The following MPRIP variants were observed in gnomAD, a reference collection of about 807,000 sequenced individuals.
MPRIP encodes myosin phosphatase Rho-interacting protein.
Under a neutral mutation model 234.9 loss-of-function variants are expected in MPRIP, and 59 were observed. The observed-to-expected ratio is 0.25, with a 90% CI of 0.20 to 0.31. The LOEUF (loss-of-function observed/expected upper bound fraction) is 0.31, where lower values mean the gene tolerates loss of function less well. Ranked by LOEUF, MPRIP falls within the 10% of genes least tolerant of loss-of-function variation. The pLI is 1.00. For missense variants in MPRIP, 2,436 were observed against 3,071.0 expected (o/e 0.79, Z 4.89); for synonymous variants, 1,144 against 1,263.9 (o/e 0.91, Z 2.01).
chr17:17,115,899 C>T (rs904512917), intron 3 of MPRIP, among the ~76,000 whole-genome samples: 14 of 152,192 alleles, frequency 9.2e-5, no homozygotes, highest in African/African-American at 3.1e-4. Flanking sequence ...CATCTCTTTC[C>T]AGACAGCTTC....
At chr17:17,100,992 A>C (rs2089949706) in intron 3 of MPRIP, among the ~76,000 whole-genome samples, 1 of 152,156 alleles carries the variant, frequency 6.6e-6, no homozygotes, top group African/African-American at 2.4e-5. Flanking sequence ...GAATAAGAAC[A>C]GTTTTTTAGG....
rs141299714 is a variant in MPRIP at position 17,085,696 on chromosome 17, G to A, written c.267+7620G>A. ...TGGGAGGCCGAGGCGAGCAGATCACGAGGTCAGGAGATCGAGACCATCTAG... is the reference window on the plus strand; with the variant it reads ...TGGGAGGCCGAGGCGAGCAGATCACAAGGTCAGGAGATCGAGACCATCTAG... On this transcript the variant is annotated intron_variant, in intron 3 of 23. Coordinates refer to ENST00000651222, the MANE Select transcript of MPRIP (RefSeq NM_001364716.4). Among the ~76,000 whole-genome samples, 572 of 152,336 alleles carry A rather than the reference G, an allele frequency of 3.8e-3. 3 individuals are homozygous for A. The highest frequency in any genetic ancestry group is 6.3e-3 in the Non-Finnish European group (430 of 68,040).
chr17:17,133,763 C>CA (rs1260121455), intron 5 of MPRIP, among the ~76,000 whole-genome samples: 1 of 152,180 alleles, frequency 6.6e-6, no homozygotes, highest in African/African-American at 2.4e-5. Context: ...GCGGGAGTCT[C>CA]AATAGAGTCT....
chr17:17,067,790 C>CT (rs35187618), intron 1 of MPRIP, among the ~76,000 whole-genome samples: 35,916 of 76,784 alleles, frequency 0.47, 9,723 homozygotes, highest in Non-Finnish European at 0.6. Flanking sequence ...CTTCTTCTTC[C>CT]TTTTTTTTTT....
intron 3 of MPRIP, among the ~76,000 whole-genome samples, chr17:17,101,743 T>C (rs77024360): frequency 0.045 from 6,814 of 152,318 alleles, 477 homozygotes; most frequent in African/African-American, 0.14. Context: ...AGAAATAGAA[T>C]GGAAAAGGCC....
rs2045455533 is a variant in MPRIP at position 17,145,979 on chromosome 17, A to T, written c.1504-57A>T. The T allele has an allele frequency of 9.2e-6, 14 of 1,519,616 alleles. No homozygotes were observed. In the South Asian group the frequency reaches 1.3e-4, roughly 14 times the overall value. The allele number at this position is 1,519,616 out of a possible 1,614,324, so 94.1% of individuals were successfully genotyped here. A position where few individuals can be genotyped will look rare whatever the true frequency, so the allele number is the denominator to read the frequency against. Reference sequence around the variant, plus strand: ...TGGACAGAAATACTGGCCCCATCAGACACTCATGACACTAGAAGAGTTTCC... The same window carrying T: ...TGGACAGAAATACTGGCCCCATCAGTCACTCATGACACTAGAAGAGTTTCC... On this transcript the variant is annotated intron_variant, in intron 9 of 23. Coordinates refer to ENST00000651222, the MANE Select transcript of MPRIP (RefSeq NM_001364716.4).
chr17:17,124,865 G>A (rs2090460700), intron 3 of MPRIP, among the ~76,000 whole-genome samples: 1 of 152,186 alleles, frequency 6.6e-6, no homozygotes, highest in South Asian at 2.1e-4. Flanking sequence ...GTCAAATAGA[G>A]TAAAGGGGCT....
intron 23 of MPRIP, chr17:17,180,615 T>C (rs1397836237): frequency 2.3e-5 from 37 of 1,613,754 alleles, no homozygotes; most frequent in Non-Finnish European, 3.1e-5. Context: ...AGTCCGTAAT[T>C]GAGCAGGTCT....
Position 17,089,290 on chromosome 17 carries a change from C to T in MPRIP, c.267+11214C>T, listed in dbSNP as rs72637387. 0.016 allele frequency among the ~76,000 whole-genome samples: 2,480 copies of T among 152,296 alleles called. 246 individuals are homozygous for T. In the East Asian group the frequency reaches 0.29, roughly 18 times the overall value. Reference sequence around the variant, plus strand: ...GAGCAGGGCAGCTTCCTTCTGAGGTCCCGGGGGAGAATCCCCTCTCCACTG... The same window carrying T: ...GAGCAGGGCAGCTTCCTTCTGAGGTTCCGGGGGAGAATCCCCTCTCCACTG... On this transcript the variant is annotated intron_variant, in intron 3 of 23. Coordinates refer to ENST00000651222, the MANE Select transcript of MPRIP (RefSeq NM_001364716.4).
intron 3 of MPRIP, among the ~76,000 whole-genome samples, chr17:17,097,501 A>G (rs1273969630): frequency 1.3e-5 from 2 of 152,194 alleles, no homozygotes; most frequent in African/African-American, 2.4e-5. Context: ...TCTTAAAAAA[A>G]CAAAACAAAT....
chr17:17,091,263 G>A (rs1007815459), intron 3 of MPRIP, among the ~76,000 whole-genome samples: 1 of 152,178 alleles, frequency 6.6e-6, no homozygotes, highest in East Asian at 1.9e-4. Flanking sequence ...CCATGAGAAC[G>A]GTAGGTGTGG....
chr17:17,043,865 C>G (rs1597702020), intron 1 of MPRIP, among the ~76,000 whole-genome samples: 2 of 152,332 alleles, frequency 1.3e-5, no homozygotes, highest in Admixed American at 1.3e-4. Flanking sequence ...CCACGGCCAT[C>G]ATCTCCATCC....
chr17:17,170,122 T>C (rs1258631594), intron 16 of MPRIP: 1 of 151,290 alleles, frequency 6.6e-6, no homozygotes, highest in Non-Finnish European at 1.5e-5. Flanking sequence ...ATTGGAATGA[T>C]ACAGAGAAGA....
intron 3 of MPRIP, among the ~76,000 whole-genome samples, chr17:17,117,208 G>C (rs544873258): frequency 6.6e-6 from 1 of 152,360 alleles, no homozygotes; most frequent in African/African-American, 2.4e-5. Context: ...GGAGAGTGGT[G>C]ATGTGCACTG....
chr17:17,122,077 C>T (rs1013401668), intron 3 of MPRIP, among the ~76,000 whole-genome samples: 4 of 152,230 alleles, frequency 2.6e-5, no homozygotes, highest in East Asian at 1.9e-4. Context: ...ATGGGCATTC[C>T]GTGTCTTTGC....
chr17:17,143,772 TG>T (rs1457902438), intron 9 of MPRIP, 103 bp downstream of exon 9: 13 of 654,388 alleles, frequency 2.0e-5, no homozygotes, highest in Non-Finnish European at 3.2e-5. Context: ...GCTGTCCCTC[TG>T]TGCACAGGCC....
At chr17:17,080,714 C>T (rs2089442561) in intron 3 of MPRIP, among the ~76,000 whole-genome samples, 1 of 152,250 alleles carries the variant, frequency 6.6e-6, no homozygotes, top group Non-Finnish European at 1.5e-5. Context: ...GGCCAAGAAA[C>T]TGAGCAGTTT....
intron 23 of MPRIP, 113 bp from the exon 24 acceptor site, chr17:17,184,710 C>A: frequency 1.4e-6 from 1 of 737,070 alleles, no homozygotes. Flanking sequence ...GCACCTGCAC[C>A]CGGCTCTCTG....
At chr17:17,104,673 G>A (rs907980325) in intron 3 of MPRIP, among the ~76,000 whole-genome samples, 2 of 152,132 alleles carry the variant, frequency 1.3e-5, no homozygotes, top group South Asian at 2.1e-4. Flanking sequence ...TTTCCGCTGC[G>A]TCTGCTCCTT....
Sources: allele counts gnomAD v4.1 joint callset (sites outside exome capture counted in the v4.1 genomes callset), GRCh38; gene constraint gnomAD v4.1.1; transcripts MANE v1.5; gene names NCBI Gene and HGNC (gene_info 2026-07-23, HGNC 2026-07-21).